The following CHRD variants were observed in gnomAD, a reference collection of about 807,000 sequenced individuals.
CHRD encodes the protein chordin.
A neutral mutation model predicts 113.7 loss-of-function variants in CHRD; 69 were observed. The observed-to-expected ratio is 0.61, with a 90% CI of 0.50 to 0.74. The LOEUF (loss-of-function observed/expected upper bound fraction) is 0.74, where lower values mean the gene tolerates loss of function less well. CHRD is among the 30% of genes least tolerant of loss of function. The pLI is 0.00. For missense variants in CHRD, 1,194 were observed against 1,295.8 expected, an observed-to-expected ratio of 0.92 and a Z score of 1.21; for synonymous variants, 561 against 540.8, an observed-to-expected ratio of 1.04 and a Z score of -0.52.
exon 23 of CHRD, chr3:184,389,658 C>A: frequency 1.9e-6 from 1 of 539,820 alleles, no homozygotes; most frequent in Non-Finnish European, 3.3e-6. Context: ...CGGCCTCTGT[C>A]CTGGAAGCCC....
chr3:184,386,670 C>T, exon 16 of CHRD: 6 of 1,612,394 alleles, frequency 3.7e-6, no homozygotes, highest in Non-Finnish European at 5.1e-6. Context: ...GACCCCAACA[C>T]ATGCTTCTTC....
At chr3:184,382,573 C>G in intron 7 of CHRD, 43 bp downstream of exon 7, 1 of 1,611,856 alleles carries the variant, frequency 6.2e-7, no homozygotes, top group African/African-American at 1.3e-5. Flanking sequence ...TGAGTCTTCT[C>G]TATCACCCAG....
In CHRD at chr3:184,384,932, G is replaced by A. The variant is rs1217313947; in HGVS notation, c.1598-86G>A. On this transcript the variant is annotated intron_variant, in intron 13 of 22. Transcript: ENST00000204604. This position sits in a 1 kb window ranked among gnomAD's most constrained non-coding sequence, Gnocchi z 4.4. ...GACAGTGTCTTCCAGCTCGTGGAAT[G>A]TGTGCTGGGGAGCTGGGAATGCTGG... is the stretch of plus-strand genomic sequence containing the variant. 4 of 1,390,380 alleles carry A rather than the reference G, an allele frequency of 2.9e-6. No individual in the cohort carries two copies. Among genetic ancestry groups the A allele is most frequent in the African/African-American group, 1.4e-5 (1 of 70,698 alleles). The allele number at this position is 1,390,380 out of a possible 1,614,324, so 86.1% of individuals were successfully genotyped here.
Position 184,386,549 on chromosome 3 carries a change from G to T in CHRD, c.1990G>T (p.Glu664Ter). Residue 664 changes from glutamate to a stop codon, truncating the protein, a stop_gained, in exon 16 of 23, where the codon GAG becomes TAG. Transcript: ENST00000204604. LOFTEE classifies it high-confidence loss of function. ...ACTGCGCCTGGAGGCGGCCGGGGCC[G>T]AGGGGGTGCGGGCGCTGGGGGCTCC... 1 of 1,540,336 alleles carries T rather than the reference G, an allele frequency of 6.5e-7. No individual in the cohort carries two copies. The highest frequency in any genetic ancestry group is 8.7e-7 in the Non-Finnish European group (1 of 1,151,046).
chr3:184,381,643 G>T lies in CHRD; in HGVS notation c.511+19G>T. The T allele has an allele frequency of 1.2e-6, 2 of 1,604,474 alleles. No individual in the cohort carries two copies. Among genetic ancestry groups the T allele is most frequent in the Non-Finnish European group, 8.5e-7 (1 of 1,174,858 alleles). On this transcript the variant is annotated intron_variant, in intron 4 of 22. Coordinates refer to ENST00000204604, the Ensembl canonical transcript of CHRD. This position sits in a 1 kb window ranked among gnomAD's most constrained non-coding sequence, Gnocchi z 4.7. Reference sequence around the variant, plus strand: ...CACACGGGTAGGGGGCTGGCGAACAGCGGGGTTGTGGTTGAGGCTGGGCCA... The same window carrying T: ...CACACGGGTAGGGGGCTGGCGAACATCGGGGTTGTGGTTGAGGCTGGGCCA...
exon 16 of CHRD, chr3:184,386,550 A>G: frequency 1.3e-6 from 2 of 1,540,256 alleles, no homozygotes; most frequent in Non-Finnish European, 1.7e-6. Flanking sequence ...GCCGGGGCCG[A>G]GGGGGTGCGG....
rs559681783 is a variant in CHRD at position 184,389,602 on chromosome 3, G to C, written c.*180G>C. On this transcript the variant is annotated 3_prime_UTR_variant, in exon 23 of 23. Transcript: ENST00000204604. ...GCTCCACAAGGGGGAGAGGCAGCTG[G>C]GCCAGACCGAGGTCACAGCCACTCC... The C allele has an allele frequency of 4.7e-4, 284 of 606,574 alleles. 2 individuals carry two copies. In the African/African-American group the frequency reaches 4.7e-3, roughly 10 times the overall value. The allele number at this position is 606,574 out of a possible 1,614,324, so 37.6% of individuals were successfully genotyped here. A position where few individuals can be genotyped will look rare whatever the true frequency, so the allele number is the denominator to read the frequency against.
Position 184,387,525 on chromosome 3 carries a change from A to C in CHRD, c.2451+48A>C. ...GGTGCCATAACCCAGCGGGGTCTGCAGAGATGGGGAGGGGCTGCCAGGTGA... is the reference window on the plus strand; with the variant it reads ...GGTGCCATAACCCAGCGGGGTCTGCCGAGATGGGGAGGGGCTGCCAGGTGA... On this transcript the variant is annotated intron_variant, in intron 19 of 22. Coordinates refer to ENST00000204604, the Ensembl canonical transcript of CHRD. This position sits in a 1 kb window ranked among gnomAD's most constrained non-coding sequence, Gnocchi z 6.1. 1 of 1,504,470 alleles carries C rather than the reference A, an allele frequency of 6.6e-7. No homozygotes were observed. The highest frequency in any genetic ancestry group is 2.3e-5 in the East Asian group (1 of 43,228). 93.2% of individuals were successfully genotyped at this position (1,504,470 alleles called of 1,614,324 possible). A position where few individuals can be genotyped will look rare whatever the true frequency, so the allele number is the denominator to read the frequency against.
At position 184,388,565 on chromosome 3, in the gene CHRD, C is replaced by G. The variant is rs780797304; in HGVS notation, c.2555-22C>G. 113 of 1,601,708 alleles carry G rather than the reference C, an allele frequency of 7.1e-5. 2 individuals carry two copies. The South Asian group carries it at 1.2e-3, about 16-fold the overall frequency. On this transcript the variant is annotated intron_variant, in intron 20 of 22. Coordinates refer to ENST00000204604, the Ensembl canonical transcript of CHRD. The surrounding 1 kb of genome is among the most constrained non-coding windows in gnomAD (Gnocchi z 6.1). ...CCTTGTTGGTCCTCCTGGGCTGATC[C>G]TTTCTCTTTCCCTCTCAACAGTGGG...
chr3:184,388,454 T>G lies in CHRD; in HGVS notation c.2555-133T>G. 1.0e-6 allele frequency: 1 copy of G among 957,626 alleles called. No individual in the cohort carries two copies. The highest frequency in any genetic ancestry group is 1.6e-6 in the Non-Finnish European group (1 of 638,408). 59.3% of individuals were successfully genotyped at this position (957,626 alleles called of 1,614,324 possible). A position where few individuals can be genotyped will look rare whatever the true frequency, so the allele number is the denominator to read the frequency against. On this transcript the variant is annotated intron_variant, in intron 20 of 22. Coordinates refer to ENST00000204604, the Ensembl canonical transcript of CHRD. The surrounding 1 kb of genome is among the most constrained non-coding windows in gnomAD (Gnocchi z 6.1). The stretch of plus-strand genomic sequence containing the variant: ...ATCCGTCCCTTCATCCATCCATTCA[T>G]CTGCCCACCCACCCATCCAAATTTA...
At position 184,380,404 on chromosome 3, in the gene CHRD, CA is replaced by C. The variant is rs1215932635; in HGVS notation, c.87del (p.Glu30SerfsTer39). The C allele has an allele frequency of 7.4e-7, 1 of 1,343,516 alleles. No homozygotes were observed. The highest frequency in any genetic ancestry group is 1.5e-5 in the South Asian group (1 of 67,522). 83.2% of individuals were successfully genotyped at this position (1,343,516 alleles called of 1,614,324 possible). On this transcript the variant is annotated frameshift_variant, in exon 1 of 23. Transcript: ENST00000204604. LOFTEE classifies it high-confidence loss of function. This position sits in a 1 kb window ranked among gnomAD's most constrained non-coding sequence, Gnocchi z 6.3. ...TCCCGGCCGGCCCGCGGCGCCGGCC[CA>C]GAGCCCCCCGTGCTGCCCATCCGTT...
Position 184,384,499 on chromosome 3 carries a change from T to C in CHRD, c.1441-38T>C. Reference sequence around the variant, plus strand: ...CCAAGACTTCAGAACCTTGGACTCGTGTGAGAGCTGAGAAGGCCTATCCTC... The same window carrying C: ...CCAAGACTTCAGAACCTTGGACTCGCGTGAGAGCTGAGAAGGCCTATCCTC... On this transcript the variant is annotated intron_variant, in intron 12 of 22. Coordinates refer to ENST00000204604, the Ensembl canonical transcript of CHRD. This position sits in a 1 kb window ranked among gnomAD's most constrained non-coding sequence, Gnocchi z 4.4. 1 of 1,450,786 alleles carries C rather than the reference T, an allele frequency of 6.9e-7. No individual in the cohort carries two copies. Among genetic ancestry groups the C allele is most frequent in the Non-Finnish European group, 9.1e-7 (1 of 1,101,660 alleles). The allele number at this position is 1,450,786 out of a possible 1,614,324, so 89.9% of individuals were successfully genotyped here. A position where few individuals can be genotyped will look rare whatever the true frequency, so the allele number is the denominator to read the frequency against.
chr3:184,386,651 C>T (rs1361960633), exon 16 of CHRD: 14 of 1,610,494 alleles, frequency 8.7e-6, no homozygotes, highest in South Asian at 3.3e-5. Context: ...TGGTCCTGGG[C>T]GGCCCCGAGA....
chr3:184,382,615 A>G lies in CHRD; in HGVS notation c.842-19A>G. ...GGGGGAGGGTTTCTGACGGGCTCTC[A>G]TCATCGTCCCTTCCCCAGAGACCTT... On this transcript the variant is annotated intron_variant, in intron 7 of 22. Coordinates refer to ENST00000204604, the Ensembl canonical transcript of CHRD. The G allele has an allele frequency of 6.2e-7, 1 of 1,611,252 alleles. No individual in the cohort carries two copies. The highest frequency in any genetic ancestry group is 8.5e-7 in the Non-Finnish European group (1 of 1,178,122).
At chr3:184,383,157 T>C (rs1715724626) in exon 10 of CHRD, 1 of 1,579,840 alleles carries the variant, frequency 6.3e-7, no homozygotes, top group Non-Finnish European at 8.6e-7. Context: ...CAGGAAGAGC[T>C]GCGACGGTGA....
downstream of CHRD, chr3:184,390,541 C>T (rs1716988843): frequency 6.6e-6 from 1 of 151,868 alleles, no homozygotes; most frequent in Admixed American, 6.6e-5. Flanking sequence ...TTTGGCTGTG[C>T]TTACCTTGAG....
chr3:184,387,271 C>T lies in CHRD; in HGVS notation c.2348-103C>T. 1 of 1,407,266 alleles carries T rather than the reference C, an allele frequency of 7.1e-7. No individual in the cohort carries two copies. The highest frequency in any genetic ancestry group is 9.8e-7 in the Non-Finnish European group (1 of 1,023,462). The allele number at this position is 1,407,266 out of a possible 1,614,324, so 87.2% of individuals were successfully genotyped here. On this transcript the variant is annotated intron_variant, in intron 18 of 22. Coordinates refer to ENST00000204604, the Ensembl canonical transcript of CHRD. This position sits in a 1 kb window ranked among gnomAD's most constrained non-coding sequence, Gnocchi z 6.1. ...TAGTGTTACTGGCCCCCAGGTGGGC[C>T]CTTGGCTTAGGCTCGTGTGGGGGTG... is the stretch of plus-strand genomic sequence containing the variant.
intron 6 of CHRD, 144 bp downstream of exon 6, chr3:184,382,164 T>C: frequency 7.9e-7 from 1 of 1,259,176 alleles, no homozygotes. Flanking sequence ...AAGGGGGAAC[T>C]GAGGCTCAGT....
Position 184,380,441 on chromosome 3 carries a change from G to T in CHRD, c.123G>T (p.Glu41Asp). 8.0e-7 allele frequency: 1 copy of T among 1,249,292 alleles called. No homozygotes were observed. 77.4% of individuals were successfully genotyped at this position (1,249,292 alleles called of 1,614,324 possible). ...TGCTGCCCATCCGTTCTGAGAAGGA[G>T]CCGCTGCCCGTTCGGGGAGCGGCAG... The change falls in exon 1 of 23, where the codon GAG becomes GAT. Residue 41 changes from glutamate (E) to aspartate (D), a missense_variant. Coordinates refer to ENST00000204604, the Ensembl canonical transcript of CHRD. This position sits in a 1 kb window ranked among gnomAD's most constrained non-coding sequence, Gnocchi z 6.3.
Sources: allele counts gnomAD v4.1 joint callset, GRCh38; gene constraint gnomAD v4.1.1; non-coding constraint Gnocchi (gnomAD v3.1); transcripts MANE v1.5; gene names NCBI Gene and HGNC (gene_info 2026-07-23, HGNC 2026-07-21).